The following ZFHX3 variants were observed in gnomAD, a reference collection of about 807,000 sequenced individuals.
ZFHX3 encodes zinc finger homeobox 3.
Under a neutral mutation model 279.1 loss-of-function variants are expected in ZFHX3, and 42 were observed. The observed-to-expected ratio is 0.15, with a 90% CI of 0.12 to 0.19. The LOEUF (loss-of-function observed/expected upper bound fraction) is 0.19. Ranked by LOEUF, ZFHX3 falls within the 10% of genes least tolerant of loss-of-function variation. The pLI is 1.00. For synonymous variants in ZFHX3, 2,293 were observed against 1,957.8 expected (o/e 1.17, Z -4.52); for missense variants, 4,981 against 4,754.0 (o/e 1.05, Z -1.40).
At chr16:72,800,721 ATC>A in intron 7 of ZFHX3, among the ~76,000 whole-genome samples, 1 of 151,110 alleles carries the variant, frequency 6.6e-6, no homozygotes, top group South Asian at 2.1e-4. Flanking sequence ...ACAAGCTGAC[ATC>A]AAGCACAAAC....
At chr16:73,656,736 TA>T (rs1454347934) in intron 2 of ZFHX3, among the ~76,000 whole-genome samples, 1 of 152,214 alleles carries the variant, frequency 6.6e-6, no homozygotes, top group Non-Finnish European at 1.5e-5. Context: ...ATGTTTCAAT[TA>T]TATTCAAATT....
intron 1 of ZFHX3, among the ~76,000 whole-genome samples, chr16:73,864,044 G>A (rs1351321455): frequency 1.3e-5 from 2 of 152,098 alleles, no homozygotes; most frequent in East Asian, 1.9e-4. Flanking sequence ...ATCTCACCTT[G>A]TGCATTTGCC....
At chr16:73,052,036 G>A (rs373435247), upstream of ZFHX3, among the ~76,000 whole-genome samples, 3 of 152,132 alleles carry the variant, frequency 2.0e-5, no homozygotes, top group African/African-American at 7.2e-5. Context: ...AAAAAGAGGT[G>A]GGCTCCTATT....
At chr16:73,737,544 C>T (rs532691521) in intron 1 of ZFHX3, among the ~76,000 whole-genome samples, 8 of 152,192 alleles carry the variant, frequency 5.3e-5, no homozygotes, top group South Asian at 4.1e-4. Flanking sequence ...CCATGTATAA[C>T]GATTAACAAT....
Position 73,269,652 on chromosome 16 carries a change from A to G in ZFHX3, c.-1193-12516T>C, listed in dbSNP as rs555406985. 7.2e-5 allele frequency among the ~76,000 whole-genome samples: 11 copies of G among 152,054 alleles called. No homozygotes were observed. The South Asian group carries it at 2.3e-3, about 32-fold the overall frequency. On this transcript the variant is annotated intron_variant, in intron 4 of 17. Coordinates refer to the ZFHX3 transcript ENST00000641206. ...CATCTTTGTTTGGGTATATGTTTTT[A>G]TTTCTTTTGGGTAGATACCTAGGAG...
chr16:73,616,562 G>T (rs1354110572), intron 2 of ZFHX3, among the ~76,000 whole-genome samples: 1 of 151,678 alleles, frequency 6.6e-6, no homozygotes. Flanking sequence ...TATTGTTCCT[G>T]TGTTCTCCTG....
chr16:73,476,454 TAAA>T (rs2018767477), intron 2 of ZFHX3, among the ~76,000 whole-genome samples: 1 of 152,126 alleles, frequency 6.6e-6, no homozygotes, highest in Non-Finnish European at 1.5e-5. Context: ...AGCAAAAAGA[TAAA>T]AAGTCCACAC....
intron 2 of ZFHX3, among the ~76,000 whole-genome samples, chr16:73,514,654 T>C (rs888189756): frequency 2.6e-5 from 4 of 152,222 alleles, no homozygotes; most frequent in Non-Finnish European, 5.9e-5. Context: ...ATCTTACAAG[T>C]GACGAGCTGA....
intron 3 of ZFHX3, among the ~76,000 whole-genome samples, chr16:73,453,779 G>A (rs1229425989): frequency 6.6e-6 from 1 of 152,222 alleles, no homozygotes; most frequent in Admixed American, 6.5e-5. Context: ...AAGGTGAAAA[G>A]CATGTCTTAC....
chr16:72,909,702 C>A (rs1271287197), intron 3 of ZFHX3, among the ~76,000 whole-genome samples: 1 of 151,742 alleles, frequency 6.6e-6, no homozygotes, highest in Non-Finnish European at 1.5e-5. Context: ...CGTGGTGAAA[C>A]CCTGTTTCTA....
intron 1 of ZFHX3, among the ~76,000 whole-genome samples, chr16:73,713,667 AC>A (rs1478623016): frequency 6.6e-6 from 1 of 151,028 alleles, no homozygotes; most frequent in Middle Eastern, 3.2e-3. Flanking sequence ...TTTGCTTTTT[AC>A]ATCTATTTCT....
intron 2 of ZFHX3, among the ~76,000 whole-genome samples, chr16:73,510,323 T>G (rs1282959042): frequency 6.6e-6 from 1 of 152,160 alleles, no homozygotes; most frequent in Non-Finnish European, 1.5e-5. Flanking sequence ...TTGTCTACAG[T>G]GTTTGCCACT....
At chr16:73,515,796 T>C (rs147304867) in intron 2 of ZFHX3, among the ~76,000 whole-genome samples, 97 of 152,364 alleles carry the variant, frequency 6.4e-4, no homozygotes, top group Non-Finnish European at 1.0e-3. Flanking sequence ...GCCGTATCTA[T>C]ATCTCACCAT....
chr16:73,211,565 T>C (rs534293678), intron 5 of ZFHX3, among the ~76,000 whole-genome samples: 1 of 152,224 alleles, frequency 6.6e-6, no homozygotes, highest in Admixed American at 6.5e-5. Flanking sequence ...TAGATACCAG[T>C]GAGGCTGCTA....
At chr16:73,102,923 CTTTG>C (rs1486206104) in intron 7 of ZFHX3, among the ~76,000 whole-genome samples, 11 of 151,964 alleles carry the variant, frequency 7.2e-5, no homozygotes, top group Admixed American at 5.3e-4. Context: ...ACATTTACAT[CTTTG>C]TTTGTTTGTT....
chr16:73,182,842 C>T (rs1242999201), intron 5 of ZFHX3, among the ~76,000 whole-genome samples: 1 of 140,760 alleles, frequency 7.1e-6, no homozygotes, highest in East Asian at 2.1e-4. Context: ...CAATGGGTAC[C>T]CATGGACATA....
At chr16:72,947,912 A>G (rs561529034) in intron 3 of ZFHX3, among the ~76,000 whole-genome samples, 218 of 152,284 alleles carry the variant, frequency 1.4e-3, no homozygotes, top group Non-Finnish European at 1.9e-3. Flanking sequence ...ATCAATCTCC[A>G]TTTACTACAG....
At chr16:73,494,370 G>A (rs1023907619) in intron 2 of ZFHX3, among the ~76,000 whole-genome samples, 11 of 152,040 alleles carry the variant, frequency 7.2e-5, no homozygotes, top group Non-Finnish European at 1.6e-4. Flanking sequence ...AACAAAAGTC[G>A]GCATCCATTT....
intron 1 of ZFHX3, among the ~76,000 whole-genome samples, chr16:73,702,715 AG>A (rs1246711695): frequency 6.6e-6 from 1 of 152,172 alleles, no homozygotes; most frequent in East Asian, 1.9e-4. Context: ...GATGATTATA[AG>A]GTAGGACTTC....
Sources: allele counts gnomAD v4.1 joint callset (sites outside exome capture counted in the v4.1 genomes callset), GRCh38; gene constraint gnomAD v4.1.1; transcripts MANE v1.5; gene names NCBI Gene and HGNC (gene_info 2026-07-23, HGNC 2026-07-21).